AHDC1: variants seen among roughly 807,000 people sequenced by gnomAD.
The protein encoded by AHDC1 is AT-hook DNA binding motif containing 1.
AHDC1 carries 7 observed loss-of-function variants against 87.9 expected under a neutral mutation model. The observed-to-expected ratio is 0.08, with a 90% CI of 0.05 to 0.15. AHDC1 has a LOEUF of 0.15. AHDC1 is among the 10% of genes least tolerant of loss of function. The pLI is 1.00. For synonymous variants in AHDC1, 1,051 were observed against 1,006.8 expected, an observed-to-expected ratio of 1.04 and a Z score of -0.83; for missense variants, 1,841 against 2,253.2, an observed-to-expected ratio of 0.82 and a Z score of 3.70.
Position 27,560,165 on chromosome 1 carries a change from G to T in AHDC1, c.-628-1282C>A, listed in dbSNP as rs1022823813. Among the ~76,000 whole-genome samples the T allele has an allele frequency of 7.3e-5, 11 of 151,360 alleles. No homozygotes were observed. The highest frequency in any genetic ancestry group is 1.6e-4 in the Non-Finnish European group (11 of 67,920). ...TTTGGTGTCTTCAGTCATACATGTG[G>T]GTATGTGCACTTTTCACGTTTATTT... On this transcript the variant is annotated intron_variant, in intron 3 of 8. Transcript: ENST00000673934. This position sits in a 1 kb window ranked among gnomAD's most constrained non-coding sequence, Gnocchi z 4.1.
In AHDC1 at chr1:27,560,200, TTGTGTGTGTG is replaced by T. The variant is rs10623052; in HGVS notation, c.-628-1327_-628-1318del. On this transcript the variant is annotated intron_variant, in intron 3 of 8. Transcript: ENST00000673934. The surrounding 1 kb of genome is among the most constrained non-coding windows in gnomAD (Gnocchi z 4.1). ...CTTTTCACGTTTATTTCTATTCGTT[TTGTGTGTGTG>T]TGTGTGTGTGTGTGAGTCTAGCTAA... 1.3e-5 allele frequency among the ~76,000 whole-genome samples: 2 copies of T among 148,424 alleles called. No individual in the cohort carries two copies. Among genetic ancestry groups the T allele is most frequent in the African/African-American group, 5.0e-5 (2 of 40,350 alleles).
intron 3 of AHDC1, among the ~76,000 whole-genome samples, chr1:27,573,926 T>A (rs2088623056): frequency 6.6e-6 from 1 of 152,212 alleles, no homozygotes; most frequent in Admixed American, 6.5e-5. Context: ...TTGAGCTCCT[T>A]CCAGTACACC....
At chr1:27,536,705 C>T (rs1229034589) in intron 8 of AHDC1, among the ~76,000 whole-genome samples, 1 of 152,122 alleles carries the variant, frequency 6.6e-6, no homozygotes, top group African/African-American at 2.4e-5. Flanking sequence ...GCTAAAGAAC[C>T]TCTGTTGGGG....
intron 8 of AHDC1, among the ~76,000 whole-genome samples, chr1:27,537,464 C>G (rs951835902): frequency 6.6e-5 from 10 of 152,198 alleles, no homozygotes; most frequent in Admixed American, 6.5e-4. Context: ...GAACACTACC[C>G]AGCACATGCT....
At chr1:27,542,915 G>T (rs929712470) in intron 8 of AHDC1, among the ~76,000 whole-genome samples, 2 of 152,222 alleles carry the variant, frequency 1.3e-5, no homozygotes, top group Non-Finnish European at 2.9e-5. Flanking sequence ...AGAGTGTGGG[G>T]AAGAACTTGT....
chr1:27,548,293 G>C lies in AHDC1; in HGVS notation c.3823C>G (p.Arg1275Gly), dbSNP rs1306069724. The C allele has an allele frequency of 1.2e-6, 2 of 1,606,750 alleles. No homozygotes were observed. The highest frequency in any genetic ancestry group is 1.7e-6 in the Non-Finnish European group (2 of 1,175,590). ...STGPRQPRGG[R>G]GGGACSAKKE... ...TTGGCTGAGCAGGCCCCACCGCCCC[G>C]TCCACCTCGCGGCTGCCGGGGCCCA... The change falls in exon 8 of 9, where the codon CGG becomes GGG. Residue 1275 changes from arginine to glycine, a missense_variant. Physicochemically the swap from Arg to Gly is moderately radical, Grantham distance 125 (BLOSUM62 -2). This residue lies in a region of AHDC1 where 505 missense variants were observed against 626.2 expected (regional missense o/e 0.81). Coordinates refer to ENST00000673934, the MANE Select transcript of AHDC1 (RefSeq NM_001371928.1).
chr1:27,566,801 G>A (rs1219469368), intron 3 of AHDC1, among the ~76,000 whole-genome samples: 1 of 145,272 alleles, frequency 6.9e-6, no homozygotes, highest in African/African-American at 2.6e-5. Flanking sequence ...AGCTGGGGCA[G>A]TTGGCTGCTA....
rs1457180255 is a variant in AHDC1, at chr1:27,593,311, G to A, written c.-629+10086C>T. Among the ~76,000 whole-genome samples, 1 of 152,110 alleles carries A rather than the reference G, an allele frequency of 6.6e-6. No homozygotes were observed. Among genetic ancestry groups the A allele is most frequent in the African/African-American group, 2.4e-5 (1 of 41,392 alleles). On this transcript the variant is annotated intron_variant, in intron 3 of 8. Transcript: ENST00000673934. The surrounding 1 kb of genome is among the most constrained non-coding windows in gnomAD (Gnocchi z 4.9). ...CAGGGTTCCAGAGACCCTCCTGCCT[G>A]CAGCAATCTTTAAAATTCCTCCAGC...
intron 3 of AHDC1, among the ~76,000 whole-genome samples, chr1:27,574,763 G>T (rs539758860): frequency 1.3e-5 from 2 of 152,116 alleles, no homozygotes; most frequent in South Asian, 4.2e-4. Context: ...GTGGGAAAGC[G>T]TCCCTTCCCC....
rs2089599699 is a variant in AHDC1, at chr1:27,603,509, C to G, written c.-726-15G>C. On this transcript the variant is annotated splice_polypyrimidine_tract_variant and intron_variant, in intron 2 of 8. Coordinates refer to ENST00000673934, the MANE Select transcript of AHDC1 (RefSeq NM_001371928.1). ...GCGCCCGGCTGCTGAGGAGAGGAGTCGTGGAGGAGCCCTGAGCCGCCCGCC... is the reference window on the plus strand; with the variant it reads ...GCGCCCGGCTGCTGAGGAGAGGAGTGGTGGAGGAGCCCTGAGCCGCCCGCC... 1 of 152,484 alleles carries G rather than the reference C, an allele frequency of 6.6e-6. No homozygotes were observed. Among genetic ancestry groups the G allele is most frequent in the African/African-American group, 2.4e-5 (1 of 41,452 alleles). The allele number at this position is 152,484 out of a possible 1,614,324, so 9.4% of individuals were successfully genotyped here.
At position 27,549,660 on chromosome 1, in the gene AHDC1, G is replaced by A. The variant is rs766463432; in HGVS notation, c.2456C>T (p.Thr819Met). The change falls in exon 8 of 9, where the codon ACG becomes ATG. Residue 819 changes from threonine to methionine, a missense_variant. Transcript: ENST00000673934. ...CTCGGTCTGGCCTGAGGGTGCACCC[G>A]TGCTGTAGTAGCTGCCACGGCCTGA... ...GASGRGSYYS[T>M]GAPSGQTELS... The A allele has an allele frequency of 1.4e-5, 22 of 1,612,996 alleles. No homozygotes were observed. Among genetic ancestry groups the A allele is most frequent in the East Asian group, 4.5e-5 (2 of 44,890 alleles).
chr1:27,544,453 T>G (rs868720293), intron 8 of AHDC1, among the ~76,000 whole-genome samples: 8 of 152,262 alleles, frequency 5.3e-5, no homozygotes, highest in African/African-American at 1.9e-4. Flanking sequence ...CTGCTTTGTC[T>G]CCCCAGTACC....
intron 3 of AHDC1, among the ~76,000 whole-genome samples, chr1:27,576,907 T>TCA (rs1424231549): frequency 6.6e-6 from 1 of 151,918 alleles, no homozygotes; most frequent in East Asian, 1.9e-4. Flanking sequence ...GTCTAGCACC[T>TCA]CACACACACA....
At chr1:27,570,301 A>G (rs1390025028) in intron 3 of AHDC1, among the ~76,000 whole-genome samples, 1 of 151,804 alleles carries the variant, frequency 6.6e-6, no homozygotes, top group African/African-American at 2.4e-5. Context: ...TTGAGCTGGC[A>G]GCTTCCCACA....
At chr1:27,600,462 CAA>C (rs933187847) in intron 3 of AHDC1, among the ~76,000 whole-genome samples, 2 of 121,210 alleles carry the variant, frequency 1.7e-5, no homozygotes, top group Admixed American at 8.2e-5. Context: ...TTCTACAAAC[CAA>C]AAAAAAAAAA....
chr1:27,598,665 G>C lies in AHDC1; in HGVS notation c.-629+4732C>G, dbSNP rs1194182442. 1.3e-5 allele frequency among the ~76,000 whole-genome samples: 2 copies of C among 152,162 alleles called. No individual in the cohort carries two copies. Among genetic ancestry groups the C allele is most frequent in the Non-Finnish European group, 2.9e-5 (2 of 68,010 alleles). The stretch of plus-strand genomic sequence containing the variant: ...CCTCCATCTACCCATAGGGACGTGG[G>C]GGGATCACACCAGTGTCACCCCCAC... On this transcript the variant is annotated intron_variant, in intron 3 of 8. Transcript: ENST00000673934. The surrounding 1 kb of genome is among the most constrained non-coding windows in gnomAD (Gnocchi z 4.2).
At chr1:27,592,681 C>T (rs2089259121) in intron 3 of AHDC1, among the ~76,000 whole-genome samples, 2 of 152,028 alleles carry the variant, frequency 1.3e-5, no homozygotes, top group African/African-American at 4.8e-5. Context: ...GCCTTGACCA[C>T]CCTTGCACCC....
chr1:27,539,987 C>G (rs866640602), intron 8 of AHDC1, among the ~76,000 whole-genome samples: 3 of 152,112 alleles, frequency 2.0e-5, no homozygotes, highest in African/African-American at 4.8e-5. Flanking sequence ...CTCTCTCCCC[C>G]ACTCTCCACC....
intron 3 of AHDC1, among the ~76,000 whole-genome samples, chr1:27,576,456 G>A (rs899908247): frequency 6.6e-6 from 1 of 152,204 alleles, no homozygotes. Flanking sequence ...CACCTGCCCT[G>A]CATTATTAGC....
Sources: gnomAD v4.1 joint callset for allele counts (sites outside exome capture counted in the v4.1 genomes callset) on GRCh38, gnomAD v4.1.1 for gene constraint, gnomAD v4.1.1 regional missense constraint, Gnocchi (gnomAD v3.1) non-coding constraint, MANE v1.5 for transcripts, NCBI Gene and HGNC (gene_info 2026-07-23, HGNC 2026-07-21) for gene names.